The following SOBP variants were observed in gnomAD, a reference collection of about 807,000 sequenced individuals.
SOBP encodes the protein sine oculis binding protein homolog.
SOBP carries 4 observed loss-of-function variants against 53.6 expected under a neutral mutation model. That is an observed-to-expected ratio of 0.07 (90% CI 0.04 to 0.17). The LOEUF (loss-of-function observed/expected upper bound fraction) is 0.17. SOBP is among the 10% of genes least tolerant of loss of function. The probability of loss-of-function intolerance (pLI) is 1.00; values close to 1 mark genes in which losing one functional copy is unlikely to be tolerated. For synonymous variants in SOBP, 584 were observed against 522.6 expected (o/e 1.12, Z -1.60); for missense variants, 1,088 against 1,204.7 (o/e 0.90, Z 1.43).
intron 4 of SOBP, among the ~76,000 whole-genome samples, chr6:107,577,866 G>A (rs1475507204): frequency 6.6e-6 from 1 of 152,140 alleles, no homozygotes; most frequent in Admixed American, 6.5e-5. Flanking sequence ...GAAGTCAGGA[G>A]ATCAAGACCA....
intron 4 of SOBP, among the ~76,000 whole-genome samples, chr6:107,548,025 C>T (rs1268014787): frequency 6.6e-6 from 1 of 152,070 alleles, no homozygotes. Context: ...AGTTTGATGA[C>T]TTTTTACTTC....
intron 3 of SOBP, among the ~76,000 whole-genome samples, chr6:107,522,936 T>C (rs1354769662): frequency 6.6e-6 from 1 of 152,222 alleles, no homozygotes; most frequent in Non-Finnish European, 1.5e-5. Flanking sequence ...GGAAAGATGC[T>C]GGGTTTCTGC....
chr6:107,634,287 G>T lies in SOBP; in HGVS notation c.1443G>T (p.Pro481=). 1 of 1,499,086 alleles carries T rather than the reference G, an allele frequency of 6.7e-7. No homozygotes were observed. Among genetic ancestry groups the T allele is most frequent in the Non-Finnish European group, 8.9e-7 (1 of 1,129,684 alleles). 92.9% of individuals were successfully genotyped at this position (1,499,086 alleles called of 1,614,324 possible). ...NPPGLLPPPP[P]GAPLPSLPFP... is the part of the protein sequence containing the mutation. ...CAGGCCTGCTGCCCCCGCCGCCTCCGGGCGCCCCGCTGCCGAGTCTTCCCT... is the reference window on the plus strand; with the variant it reads ...CAGGCCTGCTGCCCCCGCCGCCTCCTGGCGCCCCGCTGCCGAGTCTTCCCT... The change falls in exon 6 of 7, where the codon CCG becomes CCT. Residue 481 remains proline, a synonymous_variant. Transcript: ENST00000317357. The surrounding 1 kb of genome is among the most constrained non-coding windows in gnomAD (Gnocchi z 4.5).
At chr6:107,589,578 G>A (rs1395757405) in intron 5 of SOBP, among the ~76,000 whole-genome samples, 1 of 152,116 alleles carries the variant, frequency 6.6e-6, no homozygotes, top group African/African-American at 2.4e-5. Flanking sequence ...TTTCCTGTAG[G>A]GTATTGATTT....
intron 6 of SOBP, among the ~76,000 whole-genome samples, chr6:107,640,960 C>G (rs2115162519): frequency 6.6e-6 from 1 of 152,304 alleles, no homozygotes; most frequent in East Asian, 1.9e-4. Context: ...CTGGACTCGT[C>G]CCTGGATGGC....
At chr6:107,548,436 G>T (rs932378570) in intron 4 of SOBP, among the ~76,000 whole-genome samples, 1 of 151,868 alleles carries the variant, frequency 6.6e-6, no homozygotes, top group Non-Finnish European at 1.5e-5. Context: ...TAGAGACAGG[G>T]TTTCATTGTG....
At chr6:107,523,815 G>C (rs1242045324) in intron 3 of SOBP, among the ~76,000 whole-genome samples, 1 of 152,262 alleles carries the variant, frequency 6.6e-6, no homozygotes, top group Non-Finnish European at 1.5e-5. Context: ...AGCAGGCCAG[G>C]CTTGTCCTTG....
intron 4 of SOBP, among the ~76,000 whole-genome samples, chr6:107,568,606 C>T (rs142432566): frequency 2.6e-4 from 39 of 152,288 alleles, no homozygotes; most frequent in African/African-American, 3.6e-4. Flanking sequence ...GTTGCCCAGA[C>T]GAAAGGGTTA....
At chr6:107,596,660 CT>C (rs1385034578) in intron 5 of SOBP, among the ~76,000 whole-genome samples, 1 of 152,116 alleles carries the variant, frequency 6.6e-6, no homozygotes, top group Non-Finnish European at 1.5e-5. Context: ...CAGAAAATTG[CT>C]TTTTGTTCTA....
intron 4 of SOBP, among the ~76,000 whole-genome samples, chr6:107,550,601 G>T (rs1784434717): frequency 6.6e-6 from 1 of 152,138 alleles, no homozygotes; most frequent in South Asian, 2.1e-4. Context: ...AACTGATGCG[G>T]GTAAGAAGAA....
At chr6:107,492,012 A>C (rs972620407) in intron 1 of SOBP, among the ~76,000 whole-genome samples, 2 of 152,154 alleles carry the variant, frequency 1.3e-5, no homozygotes, top group East Asian at 3.9e-4. Context: ...AAGCAACCTA[A>C]ATATCAGAAT....
At chr6:107,526,201 C>T (rs1464576492) in intron 3 of SOBP, among the ~76,000 whole-genome samples, 3 of 152,170 alleles carry the variant, frequency 2.0e-5, no homozygotes, top group African/African-American at 4.8e-5. Flanking sequence ...GATCCACCCA[C>T]TTTGGCCTCC....
At chr6:107,643,267 G>A (rs1051519029) in intron 6 of SOBP, among the ~76,000 whole-genome samples, 88 of 152,292 alleles carry the variant, frequency 5.8e-4, no homozygotes, top group African/African-American at 1.7e-3. Context: ...GCAAAGCTCT[G>A]CATCCCATCA....
intron 3 of SOBP, among the ~76,000 whole-genome samples, chr6:107,526,032 C>T (rs1167942552): frequency 2.0e-5 from 3 of 152,096 alleles, no homozygotes; most frequent in Non-Finnish European, 4.4e-5. Context: ...ACTGCAACCT[C>T]CACTTCCCAG....
chr6:107,498,256 T>A (rs1483608085), intron 1 of SOBP, among the ~76,000 whole-genome samples: 1 of 152,160 alleles, frequency 6.6e-6, no homozygotes, highest in Non-Finnish European at 1.5e-5. Flanking sequence ...GGGAAGGGCA[T>A]GACTTGCCCC....
intron 3 of SOBP, among the ~76,000 whole-genome samples, chr6:107,510,224 T>A (rs1783128639): frequency 6.6e-6 from 1 of 152,176 alleles, no homozygotes. Flanking sequence ...AATAAAGTTT[T>A]ATTTACAAAA....
At chr6:107,558,016 A>T (rs182342692) in intron 4 of SOBP, 6 of 152,264 alleles carry the variant, frequency 3.9e-5, no homozygotes, top group Admixed American at 3.3e-4. Context: ...TAGAATGTTG[A>T]TCCACAAGAT....
chr6:107,519,302 C>A (rs2114968267), intron 3 of SOBP, among the ~76,000 whole-genome samples: 1 of 149,272 alleles, frequency 6.7e-6, no homozygotes, highest in African/African-American at 2.5e-5. Context: ...TGCTAAATGT[C>A]CTACAATGCA....
At chr6:107,584,895 C>A (rs1413892731) in intron 4 of SOBP, among the ~76,000 whole-genome samples, 1 of 151,900 alleles carries the variant, frequency 6.6e-6, no homozygotes, top group Non-Finnish European at 1.5e-5. Flanking sequence ...TATCCTTAGG[C>A]ATCTGGTGTG....
Sources: allele counts gnomAD v4.1 joint callset (sites outside exome capture counted in the v4.1 genomes callset), GRCh38; gene constraint gnomAD v4.1.1; non-coding constraint Gnocchi (gnomAD v3.1); transcripts MANE v1.5; gene names NCBI Gene and HGNC (gene_info 2026-07-23, HGNC 2026-07-21).